Variants in GLIS3 observed in about 807,000 individuals in gnomAD.
The protein encoded by GLIS3 is zinc finger protein GLIS3.
GLIS3 carries 53 observed loss-of-function variants against 78.6 expected under a neutral mutation model. The observed-to-expected ratio is 0.67, with a 90% CI of 0.54 to 0.85. The LOEUF (loss-of-function observed/expected upper bound fraction) is 0.85. Among genes scored for constraint, GLIS3 ranks in the 40% least tolerant of loss-of-function variants. GLIS3 has a pLI of 0.00. For missense variants in GLIS3, 1,703 were observed against 1,231.1 expected (o/e 1.38, Z -5.74); for synonymous variants, 684 against 509.9 (o/e 1.34, Z -4.60).
chr9:4,177,834 G>C (rs147526907), intron 2 of GLIS3, among the ~76,000 whole-genome samples: 1 of 152,140 alleles, frequency 6.6e-6, no homozygotes, highest in East Asian at 1.9e-4. Flanking sequence ...TAAGCTATGC[G>C]ACAGAAAGAT....
chr9:4,343,355 A>G (rs1416926959), intron 2 of GLIS3, among the ~76,000 whole-genome samples: 1 of 152,200 alleles, frequency 6.6e-6, no homozygotes, highest in East Asian at 1.9e-4. Context: ...AAAACAAAAC[A>G]AAACAATGAG....
chr9:4,459,852 A>G, the GLIS3 span, among the ~76,000 whole-genome samples: 1 of 152,198 alleles, frequency 6.6e-6, no homozygotes, highest in African/African-American at 2.4e-5. Context: ...AAAGTGGAGG[A>G]GGAAGTGATT....
chr9:4,189,729 A>G (rs371963872), intron 2 of GLIS3, among the ~76,000 whole-genome samples: 1 of 152,050 alleles, frequency 6.6e-6, no homozygotes, highest in Non-Finnish European at 1.5e-5. Context: ...TGTTGAATTG[A>G]TCCCTTTACC....
chr9:3,960,959 A>T (rs556401990), intron 4 of GLIS3, among the ~76,000 whole-genome samples: 5 of 152,336 alleles, frequency 3.3e-5, no homozygotes, highest in African/African-American at 9.6e-5. Flanking sequence ...CCCTTTGCTG[A>T]ATGGTGTAAT....
At chr9:4,294,012 C>T (rs1056475386) in intron 1 of GLIS3, among the ~76,000 whole-genome samples, 3 of 152,180 alleles carry the variant, frequency 2.0e-5, no homozygotes, top group Non-Finnish European at 4.4e-5. Flanking sequence ...TCTGTTAATT[C>T]TACAAACCGC....
chr9:3,976,953 G>A (rs752991796), intron 4 of GLIS3, among the ~76,000 whole-genome samples: 2 of 149,218 alleles, frequency 1.3e-5, no homozygotes, highest in Admixed American at 6.7e-5. Context: ...AATGCCTTCC[G>A]TTCAATTTAG....
chr9:3,967,445 G>C lies in GLIS3; in HGVS notation c.1711-30256C>G, dbSNP rs34559421. On this transcript the variant is annotated intron_variant, in intron 4 of 10. Coordinates refer to ENST00000381971, the MANE Select transcript of GLIS3 (RefSeq NM_001042413.2). ...TTGAACCCAGGAGGCAGAGGTTGTA[G>C]TGAGCCAAGATCGGGCCATTGCACT... Among the ~76,000 whole-genome samples, 815 of 152,270 alleles carry C rather than the reference G, an allele frequency of 5.4e-3. 8 individuals carry two copies. Among genetic ancestry groups the C allele is most frequent in the Non-Finnish European group, 6.4e-3 (438 of 68,012 alleles).
the GLIS3 span, among the ~76,000 whole-genome samples, chr9:4,398,887 C>A: frequency 6.6e-6 from 1 of 152,170 alleles, no homozygotes; most frequent in Non-Finnish European, 1.5e-5. Flanking sequence ...CAGGGTTTCA[C>A]CATATTGGCC....
intron 2 of GLIS3, among the ~76,000 whole-genome samples, chr9:4,279,354 CACACACACAT>C (rs1363388404): frequency 1.4e-3 from 84 of 58,598 alleles, no homozygotes; most frequent in African/African-American, 2.6e-3. Flanking sequence ...CACACACACA[CACACACACAT>C]AATACATATT....
chr9:4,203,296 T>C (rs112988371), intron 2 of GLIS3, among the ~76,000 whole-genome samples: 5,258 of 152,200 alleles, frequency 0.035, 293 homozygotes, highest in African/African-American at 0.12. Context: ...CCAGTCAGAA[T>C]GGCTGTTATT....
chr9:3,948,545 G>A (rs941009441), intron 4 of GLIS3, among the ~76,000 whole-genome samples: 6 of 152,080 alleles, frequency 3.9e-5, no homozygotes, highest in African/African-American at 1.2e-4. Context: ...CCCCCTGACT[G>A]TTCTACTTAA....
intron 4 of GLIS3, among the ~76,000 whole-genome samples, chr9:3,964,861 G>T (rs1300425120): frequency 6.6e-6 from 1 of 152,110 alleles, no homozygotes; most frequent in South Asian, 2.1e-4. Flanking sequence ...AATAGTGAAG[G>T]TTATCTTAAA....
upstream of GLIS3, among the ~76,000 whole-genome samples, chr9:4,304,505 C>A (rs1817177785): frequency 1.3e-5 from 2 of 152,210 alleles, no homozygotes; most frequent in Middle Eastern, 3.4e-3. Flanking sequence ...CACTACTAAA[C>A]CAGGTCAGTT....
intron 2 of GLIS3, among the ~76,000 whole-genome samples, chr9:4,202,943 CA>C (rs1819535774): frequency 6.6e-6 from 1 of 152,130 alleles, no homozygotes; most frequent in Non-Finnish European, 1.5e-5. Flanking sequence ...AAGTCAAAGG[CA>C]ATTGCAACAA....
At chr9:4,261,038 T>C (rs1274949128) in intron 2 of GLIS3, among the ~76,000 whole-genome samples, 1 of 152,176 alleles carries the variant, frequency 6.6e-6, no homozygotes, top group African/African-American at 2.4e-5. Context: ...CTAAAGACAA[T>C]GTAGTACTAG....
chr9:4,278,938 G>T (rs1827268208), intron 2 of GLIS3, among the ~76,000 whole-genome samples: 1 of 152,150 alleles, frequency 6.6e-6, no homozygotes, highest in Admixed American at 6.5e-5. Context: ...TATTTAACCT[G>T]AATCCAATCA....
the GLIS3 span, among the ~76,000 whole-genome samples, chr9:4,429,158 A>G: frequency 6.6e-6 from 1 of 151,770 alleles, no homozygotes. Context: ...TGATGTCCTC[A>G]CTCCAGATAG....
intron 4 of GLIS3, among the ~76,000 whole-genome samples, chr9:4,017,873 T>A (rs1032719483): frequency 2.0e-5 from 3 of 152,154 alleles, no homozygotes; most frequent in Non-Finnish European, 4.4e-5. Flanking sequence ...CAGTTCAGTA[T>A]GTAATTGGAA....
chr9:4,261,137 C>A (rs1213885596), intron 2 of GLIS3, among the ~76,000 whole-genome samples: 1 of 152,168 alleles, frequency 6.6e-6, no homozygotes, highest in Non-Finnish European at 1.5e-5. Flanking sequence ...GGAACTGAGT[C>A]TTGATTAACT....
Sources: allele counts gnomAD v4.1 joint callset (sites outside exome capture counted in the v4.1 genomes callset), GRCh38; gene constraint gnomAD v4.1.1; transcripts MANE v1.5; gene names NCBI Gene and HGNC (gene_info 2026-07-23, HGNC 2026-07-21).